Variants in KHDRBS2 observed in about 807,000 individuals in gnomAD.
The protein encoded by KHDRBS2 is KH domain-containing, RNA-binding, signal transduction-associated protein 2.
KHDRBS2 carries 26 observed loss-of-function variants against 44.3 expected under a neutral mutation model. That is an observed-to-expected ratio of 0.59 (90% CI 0.43 to 0.81). KHDRBS2 has a LOEUF of 0.81. Ranked by LOEUF, KHDRBS2 falls within the 40% of genes least tolerant of loss-of-function variation. KHDRBS2 has a pLI of 0.00. For synonymous variants in KHDRBS2, 194 were observed against 151.1 expected (o/e 1.28, Z -2.08); for missense variants, 476 against 433.1 (o/e 1.10, Z -0.88).
intron 2 of KHDRBS2, among the ~76,000 whole-genome samples, chr6:62,092,805 A>G (rs1799729526): frequency 6.6e-6 from 1 of 152,156 alleles, no homozygotes; most frequent in Non-Finnish European, 1.5e-5. Flanking sequence ...CATTTAGGTT[A>G]AATTAGCAAT....
At chr6:62,239,087 T>G (rs1295856663) in intron 1 of KHDRBS2, among the ~76,000 whole-genome samples, 1 of 152,188 alleles carries the variant, frequency 6.6e-6, no homozygotes, top group Non-Finnish European at 1.5e-5. Context: ...ACCTGATTTT[T>G]AAAAATGGAC....
chr6:61,639,415 C>G, the KHDRBS2 span, among the ~76,000 whole-genome samples: 4 of 152,008 alleles, frequency 2.6e-5, no homozygotes, highest in African/African-American at 9.7e-5. Context: ...CTCTTAAAAT[C>G]TATAGAATGA....
intron 2 of KHDRBS2, among the ~76,000 whole-genome samples, chr6:62,061,312 C>T (rs534755796): frequency 5.3e-5 from 8 of 151,498 alleles, no homozygotes; most frequent in Non-Finnish European, 8.8e-5. Context: ...CGGCTGGTAC[C>T]GGTTGTTCCT....
Position 61,815,531 on chromosome 6 carries a change from G to A in KHDRBS2, c.810+79104C>T, listed in dbSNP as rs113027022. Among the ~76,000 whole-genome samples the A allele has an allele frequency of 2.8e-3, 422 of 152,232 alleles. 6 individuals are homozygous for A. The highest frequency in any genetic ancestry group is 9.8e-3 in the African/African-American group (408 of 41,544). ...GCCAAACTATTCACATATTTAAAAT[G>A]ATCTGGTGACTTTGCATTTACAAGA... On this transcript the variant is annotated intron_variant, in intron 6 of 8. Transcript: ENST00000281156.
intron 6 of KHDRBS2, among the ~76,000 whole-genome samples, chr6:61,818,332 G>T (rs1789321612): frequency 6.8e-6 from 1 of 148,050 alleles, no homozygotes; most frequent in Non-Finnish European, 1.5e-5. Context: ...ATAGAAAAAA[G>T]ACGTTAGGGA....
At chr6:61,561,443 T>C in the KHDRBS2 span, among the ~76,000 whole-genome samples, 1 of 152,146 alleles carries the variant, frequency 6.6e-6, no homozygotes. Context: ...CAGTGAGTTT[T>C]CCTGGGCCAC....
chr6:61,622,782 T>C, the KHDRBS2 span, among the ~76,000 whole-genome samples: 1 of 152,028 alleles, frequency 6.6e-6, no homozygotes, highest in South Asian at 2.1e-4. Flanking sequence ...TACACACCAT[T>C]CATTGAGGTC....
At chr6:62,253,514 G>A (rs549603) in intron 1 of KHDRBS2, among the ~76,000 whole-genome samples, 42 of 151,390 alleles carry the variant, frequency 2.8e-4, no homozygotes, top group Non-Finnish European at 4.1e-4. Context: ...CTTTTCTTCC[G>A]TCCCTCTATC....
chr6:62,185,676 T>C (rs763168802), intron 1 of KHDRBS2, among the ~76,000 whole-genome samples: 1 of 151,994 alleles, frequency 6.6e-6, no homozygotes, highest in Non-Finnish European at 1.5e-5. Context: ...TAATTAATCA[T>C]AAGATAGTTA....
the KHDRBS2 span, chr6:61,661,311 A>T: frequency 6.6e-6 from 1 of 151,778 alleles, no homozygotes; most frequent in Admixed American, 6.6e-5. Context: ...AAACCTCCAA[A>T]CAGCCAGTCT....
chr6:62,058,843 A>G (rs1249405916), intron 2 of KHDRBS2, among the ~76,000 whole-genome samples: 1 of 151,876 alleles, frequency 6.6e-6, no homozygotes, highest in Non-Finnish European at 1.5e-5. Context: ...GAAAAGCAGA[A>G]TGATTTAGAA....
rs573518334 is a variant in KHDRBS2 at position 62,137,721 on chromosome 6, A to T, written c.219+39464T>A. Among the ~76,000 whole-genome samples, 96 of 152,284 alleles carry T rather than the reference A, an allele frequency of 6.3e-4. 1 individual carries two copies. In the South Asian group the frequency reaches 0.019, roughly 31 times the overall value. On this transcript the variant is annotated intron_variant, in intron 2 of 8. Transcript: ENST00000281156. The stretch of plus-strand genomic sequence containing the variant: ...CATACTCAAGTCTTAAATGTTGTCT[A>T]CTAATTTCCCCCAAGGCAACGTATA...
intron 6 of KHDRBS2, among the ~76,000 whole-genome samples, chr6:61,881,605 G>T (rs1800220684): frequency 1.3e-5 from 2 of 151,960 alleles, no homozygotes; most frequent in Admixed American, 6.6e-5. Context: ...GACCACAAGA[G>T]ATTCTGGTGC....
At chr6:62,124,490 A>G (rs1808469489) in intron 2 of KHDRBS2, among the ~76,000 whole-genome samples, 1 of 152,022 alleles carries the variant, frequency 6.6e-6, no homozygotes, top group Admixed American at 6.6e-5. Context: ...TCTTATTAAC[A>G]TATTTCACTT....
At chr6:62,137,426 C>T (rs1811815186) in intron 2 of KHDRBS2, among the ~76,000 whole-genome samples, 2 of 152,114 alleles carry the variant, frequency 1.3e-5, no homozygotes, top group Non-Finnish European at 2.9e-5. Flanking sequence ...AATTTCAAAT[C>T]AGTTTTATTT....
At chr6:62,241,817 G>A (rs766274542) in intron 1 of KHDRBS2, among the ~76,000 whole-genome samples, 2 of 149,414 alleles carry the variant, frequency 1.3e-5, no homozygotes, top group African/African-American at 2.6e-5. Flanking sequence ...GCCAAGTACA[G>A]TAGAAGGGCA....
At chr6:62,191,920 CTTTT>C (rs943273769) in intron 1 of KHDRBS2, among the ~76,000 whole-genome samples, 3 of 151,922 alleles carry the variant, frequency 2.0e-5, no homozygotes, top group Non-Finnish European at 2.9e-5. Context: ...TTTAAAAAAA[CTTTT>C]TTTAACAACC....
At chr6:61,690,731 C>A (rs1767307157) in intron 8 of KHDRBS2, among the ~76,000 whole-genome samples, 1 of 151,970 alleles carries the variant, frequency 6.6e-6, no homozygotes, top group Non-Finnish European at 1.5e-5. Flanking sequence ...AAGGAGCCTG[C>A]ATATAAGTTA....
chr6:61,795,103 C>T (rs1224302438), intron 6 of KHDRBS2, among the ~76,000 whole-genome samples: 16 of 134,374 alleles, frequency 1.2e-4, no homozygotes, highest in African/African-American at 4.6e-4. Flanking sequence ...CGTGCCACTG[C>T]ACTCCAGCCT....
Sources: allele counts gnomAD v4.1 joint callset (sites outside exome capture counted in the v4.1 genomes callset), GRCh38; gene constraint gnomAD v4.1.1; transcripts MANE v1.5; gene names NCBI Gene and HGNC (gene_info 2026-07-23, HGNC 2026-07-21).